The following ERAP1 variants were observed in gnomAD, a reference collection of about 807,000 sequenced individuals.
The protein encoded by ERAP1 is endoplasmic reticulum aminopeptidase 1.
Under a neutral mutation model 103.7 loss-of-function variants are expected in ERAP1, and 86 were observed. The ratio of observed to expected loss-of-function variants is 0.83; its 90% CI spans 0.70 to 0.99. The LOEUF (loss-of-function observed/expected upper bound fraction) is 0.99, where lower values mean the gene tolerates loss of function less well. ERAP1 is among the 50% of genes least tolerant of loss of function. ERAP1 has a pLI of 0.00. For synonymous variants in ERAP1, 398 were observed against 402.4 expected (o/e 0.99, Z 0.13); for missense variants, 1,009 against 1,128.4 (o/e 0.89, Z 1.52).
chr5:96,770,215 C>G (rs775333659), downstream of ERAP1: 1 of 314,308 alleles, frequency 3.2e-6, no homozygotes, highest in Non-Finnish European at 6.2e-6. Context: ...TTCTCCACAC[C>G]CTTGCCGACA....
chr5:96,886,697 T>G, the ERAP1 span: 1 of 1,555,432 alleles, frequency 6.4e-7, no homozygotes. Flanking sequence ...GGAAGATCAC[T>G]TTGAAACTAC....
the ERAP1 span, among the ~76,000 whole-genome samples, chr5:96,845,317 C>A: frequency 6.6e-6 from 1 of 152,128 alleles, no homozygotes; most frequent in Non-Finnish European, 1.5e-5. Context: ...CCACTGTAAC[C>A]TCCACCTTCC....
In ERAP1 at chr5:96,783,111, G is replaced by A. The variant is rs774663975; in HGVS notation, c.2225C>T (p.Pro742Leu). Reference sequence around the variant, plus strand: ...ATAGCCTTCTGCCCTCTGTACGCACGGCTGATAGTTGTGCACACAGGCGAG... The same window carrying A: ...ATAGCCTTCTGCCCTCTGTACGCACAGCTGATAGTTGTGCACACAGGCGAG... ...LLLACVHNYQPCVQRAEGYFR... is the reference protein window; with the variant it reads ...LLLACVHNYQLCVQRAEGYFR... The change falls in exon 15 of 19, where the codon CCG (proline) becomes CTG (leucine). Residue 742 changes from proline (P) to leucine (L), a missense_variant. Physicochemically the swap from Pro to Leu is moderately conservative, Grantham distance 98. Coordinates refer to ENST00000443439, the MANE Select transcript of ERAP1 (RefSeq NM_001040458.3). 2.5e-5 allele frequency: 40 copies of A among 1,614,148 alleles called. No individual in the cohort carries two copies. The Middle Eastern group carries it at 4.9e-4, about 20-fold the overall frequency.
At chr5:96,917,607 T>C in the ERAP1 span, 1 of 1,609,292 alleles carries the variant, frequency 6.2e-7, no homozygotes, top group East Asian at 2.2e-5. Flanking sequence ...AATACTTAAA[T>C]GGTCAATAGA....
chr5:96,879,075 C>T, the ERAP1 span, among the ~76,000 whole-genome samples: 24 of 151,826 alleles, frequency 1.6e-4, no homozygotes, highest in African/African-American at 4.6e-4. Flanking sequence ...AAAAGGTAGC[C>T]GAGTGTGGCG....
the ERAP1 span, among the ~76,000 whole-genome samples, chr5:96,886,022 T>C: frequency 6.6e-6 from 1 of 152,256 alleles, no homozygotes. Flanking sequence ...TGACTCAAGC[T>C]GTCACGCAGC....
At chr5:96,814,808 A>G in the ERAP1 span, among the ~76,000 whole-genome samples, 1 of 152,248 alleles carries the variant, frequency 6.6e-6, no homozygotes, top group African/African-American at 2.4e-5. Context: ...AAAATAGTAT[A>G]GGCCCAATGG....
At chr5:96,934,290 T>C in the ERAP1 span, 3 of 152,228 alleles carry the variant, frequency 2.0e-5, no homozygotes, top group Non-Finnish European at 4.4e-5. Context: ...AGAGTGTTTG[T>C]GGCTATTTTA....
intron 3 of ERAP1, among the ~76,000 whole-genome samples, chr5:96,799,755 T>G (rs1219260612): frequency 1.3e-5 from 2 of 152,232 alleles, no homozygotes; most frequent in Non-Finnish European, 2.9e-5. Context: ...AAATTTATAT[T>G]AGGAAAATAG....
chr5:96,889,323 A>G, the ERAP1 span: 13 of 1,613,550 alleles, frequency 8.1e-6, no homozygotes, highest in Admixed American at 3.3e-5. Context: ...CAAATTCCAC[A>G]TTATTGTCTT....
the ERAP1 span, among the ~76,000 whole-genome samples, chr5:96,891,545 C>G: frequency 5.8e-5 from 8 of 137,360 alleles, no homozygotes; most frequent in East Asian, 1.8e-3. Context: ...TACACACACA[C>G]ACACACACAC....
At chr5:96,914,034 T>C in the ERAP1 span, among the ~76,000 whole-genome samples, 5 of 152,256 alleles carry the variant, frequency 3.3e-5, no homozygotes, top group East Asian at 1.9e-4. Flanking sequence ...CTGGAGCTCA[T>C]TTCAATATGT....
At chr5:96,820,199 G>T in the ERAP1 span, among the ~76,000 whole-genome samples, 2 of 152,102 alleles carry the variant, frequency 1.3e-5, no homozygotes, top group African/African-American at 4.8e-5. Context: ...TTTTATGGGA[G>T]AAAATATATA....
At chr5:96,765,926 A>C (rs1411935306) in intron 19 of ERAP1, 1 of 607,906 alleles carries the variant, frequency 1.6e-6, no homozygotes. Context: ...GTTGCTTAAA[A>C]AATAAAAACA....
the ERAP1 span, among the ~76,000 whole-genome samples, chr5:96,819,077 C>T: frequency 6.6e-6 from 1 of 152,098 alleles, no homozygotes; most frequent in Non-Finnish European, 1.5e-5. Flanking sequence ...AGGCACCCAC[C>T]ACCACGCCCG....
At chr5:96,879,547 G>A in the ERAP1 span, 2 of 627,150 alleles carry the variant, frequency 3.2e-6, no homozygotes, top group Admixed American at 2.9e-5. Context: ...TGCTATAAGT[G>A]TGTTTTTTTC....
chr5:96,762,283 G>C (rs769408598), exon 20 of ERAP1: 2 of 1,601,518 alleles, frequency 1.2e-6, no homozygotes, highest in Non-Finnish European at 1.7e-6. Context: ...GAAATTTGAA[G>C]ATGCTAAACT....
At chr5:96,892,513 G>T in the ERAP1 span, 1 of 1,581,718 alleles carries the variant, frequency 6.3e-7, no homozygotes, top group Non-Finnish European at 8.6e-7. Context: ...TATAGAACAC[G>T]ACCAATCTTC....
At chr5:96,785,679 C>G in intron 13 of ERAP1, 109 bp downstream of exon 13, 1 of 1,263,994 alleles carries the variant, frequency 7.9e-7, no homozygotes, top group Non-Finnish European at 1.1e-6. Flanking sequence ...AGGAAAACAC[C>G]TTTCAACTTC....
Sources: gnomAD v4.1 joint callset for allele counts (sites outside exome capture counted in the v4.1 genomes callset) on GRCh38, gnomAD v4.1.1 for gene constraint, MANE v1.5 for transcripts, NCBI Gene and HGNC (gene_info 2026-07-23, HGNC 2026-07-21) for gene names.